SPATS2L: variants seen among roughly 807,000 people sequenced by gnomAD.
SPATS2L encodes SPATS2-like protein.
A neutral mutation model predicts 59.6 loss-of-function variants in SPATS2L; 30 were observed. The ratio of observed to expected loss-of-function variants is 0.50; its 90% confidence interval spans 0.38 to 0.68. The LOEUF (loss-of-function observed/expected upper bound fraction) is 0.68, where lower values mean the gene tolerates loss of function less well. Among genes scored for constraint, SPATS2L ranks in the 30% least tolerant of loss-of-function variants. SPATS2L has a pLI of 0.00. For missense variants in SPATS2L, 615 were observed against 700.0 expected, an observed-to-expected ratio of 0.88 and a Z score of 1.37; for synonymous variants, 252 against 263.5, an observed-to-expected ratio of 0.96 and a Z score of 0.42.
chr2:200,320,780 A>G (rs770890172), intron 1 of SPATS2L, among the ~76,000 whole-genome samples: 18 of 152,334 alleles, frequency 1.2e-4, no homozygotes, highest in Non-Finnish European at 2.5e-4. Context: ...AGTAACACAT[A>G]TGGTGCTTTC....
intron 2 of SPATS2L, among the ~76,000 whole-genome samples, chr2:200,348,542 A>T (rs1231633837): frequency 1.3e-5 from 2 of 152,196 alleles, no homozygotes; most frequent in Non-Finnish European, 2.9e-5. Flanking sequence ...TGCAGTGGCC[A>T]GGGACTGGCT....
rs780218739 is a variant in SPATS2L, at chr2:200,478,068, G to T, written c.*37G>T. 4.0e-6 allele frequency: 6 copies of T among 1,511,288 alleles called. No homozygotes were observed. Among genetic ancestry groups the T allele is most frequent in the Admixed American group, 2.2e-5 (1 of 44,576 alleles). The allele number at this position is 1,511,288 out of a possible 1,614,324, so 93.6% of individuals were successfully genotyped here. ...AAAGAGCAGTTTTCACTCAGTTTTG[G>T]TTCCCTGCCCGAGGTGCTGACCCAA... On this transcript the variant is annotated 3_prime_UTR_variant, in exon 13 of 13. Coordinates refer to ENST00000409140, the MANE Select transcript of SPATS2L (RefSeq NM_001100423.2).
intron 2 of SPATS2L, among the ~76,000 whole-genome samples, chr2:200,382,111 A>G (rs1181691723): frequency 6.6e-6 from 1 of 152,116 alleles, no homozygotes; most frequent in Non-Finnish European, 1.5e-5. Context: ...GCTGGAGTGC[A>G]GTGACATGAT....
Position 200,391,118 on chromosome 2 carries a change from C to T in SPATS2L, c.39+1835C>T, listed in dbSNP as rs1205474890. Among the ~76,000 whole-genome samples, 8 of 152,164 alleles carry T rather than the reference C, an allele frequency of 5.3e-5. No individual in the cohort carries two copies. The East Asian group carries it at 1.3e-3, about 26-fold the overall frequency. On this transcript the variant is annotated intron_variant, in intron 3 of 12. Transcript: ENST00000409140. The stretch of plus-strand genomic sequence containing the variant: ...GAGGTTGGGGTGAGCCAAGATCGCG[C>T]CACTGCACTCCAGGCTGGGTGACAG...
intron 2 of SPATS2L, among the ~76,000 whole-genome samples, chr2:200,362,002 A>C (rs1211079476): frequency 1.3e-5 from 2 of 152,178 alleles, no homozygotes; most frequent in African/African-American, 4.8e-5. Context: ...GCACTTCGGG[A>C]GGCCAAGGCA....
At chr2:200,439,473 T>C (rs1464628093) in intron 7 of SPATS2L, 145 bp downstream of exon 7, 2 of 659,374 alleles carry the variant, frequency 3.0e-6, no homozygotes, top group Non-Finnish European at 5.3e-6. Context: ...CCCACATAGA[T>C]GGAAAGGCAG....
chr2:200,362,293 T>C (rs565542165), intron 2 of SPATS2L, among the ~76,000 whole-genome samples: 1 of 152,226 alleles, frequency 6.6e-6, no homozygotes, highest in East Asian at 1.9e-4. Context: ...ATTTCTGGAT[T>C]AAATATTAGT....
chr2:200,325,255 C>G (rs1053122980), intron 1 of SPATS2L, among the ~76,000 whole-genome samples: 1 of 152,174 alleles, frequency 6.6e-6, no homozygotes, highest in East Asian at 1.9e-4. Flanking sequence ...TTTCTCTATC[C>G]TCAAATAGAG....
chr2:200,398,656 C>A (rs2082426388), intron 3 of SPATS2L, among the ~76,000 whole-genome samples: 1 of 152,148 alleles, frequency 6.6e-6, no homozygotes, highest in Non-Finnish European at 1.5e-5. Flanking sequence ...TTTTAATCTG[C>A]CAAACGATGG....
chr2:200,470,375 A>G (rs1188575331), intron 11 of SPATS2L, among the ~76,000 whole-genome samples: 3 of 152,174 alleles, frequency 2.0e-5, no homozygotes, highest in African/African-American at 4.8e-5. Flanking sequence ...TCTTCCTAAC[A>G]TGTCTGGGAA....
intron 8 of SPATS2L, among the ~76,000 whole-genome samples, chr2:200,451,628 C>T (rs2085450868): frequency 6.6e-6 from 1 of 152,136 alleles, no homozygotes; most frequent in South Asian, 2.1e-4. Context: ...CCCCTCCCCT[C>T]CCCTTTTCAC....
intron 3 of SPATS2L, among the ~76,000 whole-genome samples, chr2:200,393,521 A>G (rs1192267867): frequency 6.6e-6 from 1 of 152,228 alleles, no homozygotes; most frequent in African/African-American, 2.4e-5. Context: ...CTATTTTGAA[A>G]GAGGGTGATG....
At chr2:200,426,543 A>G (rs1329459638) in intron 6 of SPATS2L, among the ~76,000 whole-genome samples, 1 of 152,106 alleles carries the variant, frequency 6.6e-6, no homozygotes, top group Non-Finnish European at 1.5e-5. Context: ...AGGCTGGGCA[A>G]CATTGTGAGA....
Position 200,378,949 on chromosome 2 carries a change from G to A in SPATS2L, c.-22-10274G>A, listed in dbSNP as rs565606322. 2.0e-4 allele frequency among the ~76,000 whole-genome samples: 31 copies of A among 152,186 alleles called. 1 individual carries two copies. The highest frequency in any genetic ancestry group is 1.3e-3 in the Admixed American group (20 of 15,304). On this transcript the variant is annotated intron_variant, in intron 2 of 12. Coordinates refer to ENST00000409140, the MANE Select transcript of SPATS2L (RefSeq NM_001100423.2). ...AGCATACAGCCCCATCCCCAGCCCC[G>A]CTAACAGCAAGCGTGCCTCTAATAC...
Position 200,469,904 on chromosome 2 carries a change from T to G in SPATS2L, c.958-10T>G. On this transcript the variant is annotated splice_polypyrimidine_tract_variant and intron_variant, in intron 10 of 12. Coordinates refer to ENST00000409140, the MANE Select transcript of SPATS2L (RefSeq NM_001100423.2). ...TCATGGGGTTCCTGCTTTTCATCTC[T>G]TTCCTCCAGCACTTTGTCAGCGAGC... 1 of 1,602,112 alleles carries G rather than the reference T, an allele frequency of 6.2e-7. No homozygotes were observed. The highest frequency in any genetic ancestry group is 8.5e-7 in the Non-Finnish European group (1 of 1,174,198).
chr2:200,373,483 T>A (rs2081500863), intron 2 of SPATS2L, among the ~76,000 whole-genome samples: 1 of 152,140 alleles, frequency 6.6e-6, no homozygotes, highest in South Asian at 2.1e-4. Context: ...GTAGATTAAG[T>A]TTTGAAGACA....
At chr2:200,396,625 G>T (rs2082363934) in intron 3 of SPATS2L, among the ~76,000 whole-genome samples, 1 of 152,192 alleles carries the variant, frequency 6.6e-6, no homozygotes, top group African/African-American at 2.4e-5. Context: ...TGATTAGAGA[G>T]AGTACAGAAG....
chr2:200,331,356 G>A (rs150293912), intron 2 of SPATS2L, among the ~76,000 whole-genome samples: 82 of 152,242 alleles, frequency 5.4e-4, no homozygotes, highest in African/African-American at 1.7e-3. Context: ...TTCTTAATTT[G>A]TTCTCCCAGA....
intron 8 of SPATS2L, among the ~76,000 whole-genome samples, chr2:200,459,132 A>G (rs895916631): frequency 6.6e-6 from 1 of 152,256 alleles, no homozygotes. Context: ...GGGACAGATC[A>G]TTGTTAGCTT....
Sources: allele counts gnomAD v4.1 joint callset (sites outside exome capture counted in the v4.1 genomes callset), GRCh38; gene constraint gnomAD v4.1.1; transcripts MANE v1.5; gene names NCBI Gene and HGNC (gene_info 2026-07-23, HGNC 2026-07-21).